Variants in USP24 observed in about 807,000 individuals in gnomAD.
The protein encoded by USP24 is ubiquitin carboxyl-terminal hydrolase 24.
In USP24, 97 loss-of-function variants were observed where a neutral mutation model predicts 361.6. The observed-to-expected ratio is 0.27, with a 90% CI of 0.23 to 0.32. The LOEUF (loss-of-function observed/expected upper bound fraction) is 0.32. Among genes scored for constraint, USP24 ranks in the 10% least tolerant of loss-of-function variants. USP24 has a pLI of 1.00. For missense variants in USP24, 2,353 were observed against 3,165.6 expected, an observed-to-expected ratio of 0.74 and a Z score of 6.16; for synonymous variants, 1,098 against 1,124.6, an observed-to-expected ratio of 0.98 and a Z score of 0.47.
At chr1:55,200,744 G>C (rs1352670871) in intron 1 of USP24, among the ~76,000 whole-genome samples, 1 of 152,128 alleles carries the variant, frequency 6.6e-6, no homozygotes, top group Admixed American at 6.5e-5. Flanking sequence ...TTCCTCTCCA[G>C]AAATGACATC....
chr1:55,194,451 C>T (rs567676967), intron 1 of USP24, among the ~76,000 whole-genome samples: 4 of 152,208 alleles, frequency 2.6e-5, no homozygotes, highest in Admixed American at 1.3e-4. Context: ...GAAATAGAAG[C>T]CCAGGCTGAG....
At chr1:55,177,100 A>C (rs75041441) in intron 2 of USP24, among the ~76,000 whole-genome samples, 2,662 of 151,742 alleles carry the variant, frequency 0.018, 85 homozygotes, top group African/African-American at 0.062. Flanking sequence ...AAACCAAAAA[A>C]AAAAAAACAA....
At chr1:55,117,450 C>T (rs369234096) in intron 38 of USP24, among the ~76,000 whole-genome samples, 20 of 152,270 alleles carry the variant, frequency 1.3e-4, no homozygotes, top group African/African-American at 4.3e-4. Context: ...AAACTGTGGC[C>T]GGGCGCGGTG....
At chr1:55,186,705 T>G (rs1644142045) in intron 1 of USP24, among the ~76,000 whole-genome samples, 1 of 152,132 alleles carries the variant, frequency 6.6e-6, no homozygotes, top group African/African-American at 2.4e-5. Flanking sequence ...ATGAAAGTAC[T>G]TAGAGTAGTC....
At chr1:55,143,952 C>T (rs1196585151) in intron 21 of USP24, among the ~76,000 whole-genome samples, 175 bp downstream of exon 21, 1 of 152,094 alleles carries the variant, frequency 6.6e-6, no homozygotes, top group Non-Finnish European at 1.5e-5. Flanking sequence ...CAGGTAGGAG[C>T]CTCCCTTACA....
chr1:55,168,826 A>C (rs1649161593), intron 5 of USP24, among the ~76,000 whole-genome samples: 3 of 152,340 alleles, frequency 2.0e-5, no homozygotes, highest in Admixed American at 6.5e-5. Context: ...AAATGGTCAC[A>C]AACTGTAGTG....
At chr1:55,212,103 T>A (rs993732378) in intron 1 of USP24, among the ~76,000 whole-genome samples, 1 of 152,278 alleles carries the variant, frequency 6.6e-6, no homozygotes. Flanking sequence ...ACTGACTCTG[T>A]GGGGACAAGC....
chr1:55,134,202 T>C lies in USP24; in HGVS notation c.3288-39A>G, dbSNP rs750095598. 69 of 1,598,210 alleles carry C rather than the reference T, an allele frequency of 4.3e-5. 1 individual carries two copies. The highest frequency in any genetic ancestry group is 2.6e-4 in the South Asian group (23 of 89,334). ...AATACAAATTTTTTCATATAAGCCA[T>C]AGTTTAATTCAACAAAGTCCATTAG... On this transcript the variant is annotated intron_variant, in intron 29 of 67. Transcript: ENST00000294383.
At chr1:55,125,573 T>C (rs181460425) in intron 33 of USP24, 25 bp from the exon 34 acceptor site, 1 of 1,599,894 alleles carries the variant, frequency 6.3e-7, no homozygotes, top group Non-Finnish European at 8.5e-7. Context: ...GCTAGACTTA[T>C]TCTGAGTCCA....
chr1:55,069,590 T>C (rs1644878496), intron 67 of USP24, among the ~76,000 whole-genome samples: 1 of 151,922 alleles, frequency 6.6e-6, no homozygotes, highest in Admixed American at 6.6e-5. Flanking sequence ...GCTGATCTAG[T>C]TGGAGCTGGG....
Position 55,123,462 on chromosome 1 carries a change from G to T in USP24, c.4261C>A (p.Arg1421=). The T allele has an allele frequency of 6.3e-7, 1 of 1,588,608 alleles. No homozygotes were observed. The highest frequency in any genetic ancestry group is 8.6e-7 in the Non-Finnish European group (1 of 1,167,224). ...LSLLVTCLQL[R]SQQLASFYNL... is the part of the protein sequence containing the mutation. ...TCCAGCATACCCAGTTGCTGGCTCCGAAGCTGTAGGCACGTAACAAGAAGA... is the reference window on the plus strand; with the variant it reads ...TCCAGCATACCCAGTTGCTGGCTCCTAAGCTGTAGGCACGTAACAAGAAGA... The change falls in exon 36 of 68, where the codon CGG becomes AGG. Residue 1421 remains arginine, a synonymous_variant. Transcript: ENST00000294383.
intron 3 of USP24, among the ~76,000 whole-genome samples, chr1:55,175,697 G>A (rs1166276327): frequency 6.6e-6 from 1 of 152,128 alleles, no homozygotes; most frequent in African/African-American, 2.4e-5. Context: ...TATATGCTGG[G>A]GGAAAGGGCA....
In USP24 at chr1:55,214,907, GC is replaced by G; in HGVS notation, c.206del (p.Gly69AlafsTer68). On this transcript the variant is annotated frameshift_variant, in exon 1 of 68. Transcript: ENST00000294383. LOFTEE classifies it high-confidence loss of function. ...GGGPSPGPGGGPRGDGGGDGG... is the reference protein window; with the variant it reads ...GGGPSPGPGGXPRGDGGGDGG... ...CGTCACCTCCGCCGTCGCCCCGCGGGCCCCCGCCGGGCCCGGGGCTGGGGCC... is the reference window on the plus strand; with the variant it reads ...CGTCACCTCCGCCGTCGCCCCGCGGGCCCCGCCGGGCCCGGGGCTGGGGCC... 1.6e-6 allele frequency: 2 copies of G among 1,284,484 alleles called. No homozygotes were observed. Among genetic ancestry groups the G allele is most frequent in the Admixed American group, 3.4e-5 (1 of 29,028 alleles). 79.6% of individuals were successfully genotyped at this position (1,284,484 alleles called of 1,614,324 possible). A position where few individuals can be genotyped will look rare whatever the true frequency, so the allele number is the denominator to read the frequency against.
At position 55,075,655 on chromosome 1, in the gene USP24, AACAACAACAACACCACCACC is replaced by A. The variant is rs1235852938; in HGVS notation, c.7381-152_7381-133del. The A allele has an allele frequency of 1.5e-4, 77 of 504,110 alleles. 1 individual carries two copies. The highest frequency in any genetic ancestry group is 1.7e-4 in the South Asian group (8 of 45,754). The allele number at this position is 504,110 out of a possible 1,614,324, so 31.2% of individuals were successfully genotyped here. ...CAACAACAACAACAACAACAACAACAACAACAACAACACCACCACCACCAATACAGGACGGGCATGGTGGC... is the reference window on the plus strand; with the variant it reads ...CAACAACAACAACAACAACAACAACAACCAATACAGGACGGGCATGGTGGC... On this transcript the variant is annotated intron_variant, in intron 62 of 67. Transcript: ENST00000294383.
chr1:55,152,919 T>G (rs1647267858), intron 16 of USP24, among the ~76,000 whole-genome samples: 1 of 152,120 alleles, frequency 6.6e-6, no homozygotes, highest in African/African-American at 2.4e-5. Flanking sequence ...CAATGAAAAT[T>G]AGTTGGCAGT....
At chr1:55,084,678 T>C (rs1645214128) in intron 56 of USP24, among the ~76,000 whole-genome samples, 6 of 152,158 alleles carry the variant, frequency 3.9e-5, no homozygotes, top group Admixed American at 3.9e-4. Context: ...ATTTTCAAAG[T>C]ACTTTACAAG....
chr1:55,123,650 G>T, intron 35 of USP24, 48 bp from the exon 36 acceptor site: 1 of 1,494,496 alleles, frequency 6.7e-7, no homozygotes, highest in Non-Finnish European at 9.0e-7. Context: ...CAGGAACTAT[G>T]CAATATTTTA....
chr1:55,213,453 G>T (rs1644897728), intron 1 of USP24, among the ~76,000 whole-genome samples: 1 of 152,170 alleles, frequency 6.6e-6, no homozygotes, highest in African/African-American at 2.4e-5. Context: ...TCAGCCCGAG[G>T]AACTGTTGCA....
At position 55,138,520 on chromosome 1, in the gene USP24, A is replaced by AT. The variant is rs1385883181; in HGVS notation, c.2928+87dup. Reference sequence around the variant, plus strand: ...TGTTTACCAAACTACCTTTAGAATGATTATTCATGCAGCTAACTCAATCAA... The same window carrying AT: ...TGTTTACCAAACTACCTTTAGAATGATTTATTCATGCAGCTAACTCAATCAA... On this transcript the variant is annotated intron_variant, in intron 26 of 67. Coordinates refer to ENST00000294383, the MANE Select transcript of USP24 (RefSeq NM_015306.3). The AT allele has an allele frequency of 4.4e-6, 4 of 905,256 alleles. No homozygotes were observed. The Admixed American group carries it at 1.1e-4, about 24-fold the overall frequency. The allele number at this position is 905,256 out of a possible 1,614,324, so 56.1% of individuals were successfully genotyped here. A position where few individuals can be genotyped will look rare whatever the true frequency, so the allele number is the denominator to read the frequency against.
Sources: allele counts gnomAD v4.1 joint callset (sites outside exome capture counted in the v4.1 genomes callset), GRCh38; gene constraint gnomAD v4.1.1; transcripts MANE v1.5; gene names NCBI Gene and HGNC (gene_info 2026-07-23, HGNC 2026-07-21).